The following PRTFDC1 variants were observed in gnomAD, a reference collection of about 807,000 sequenced individuals.
The protein encoded by PRTFDC1 is phosphoribosyl transferase domain containing 1.
In PRTFDC1, 38 loss-of-function variants were observed where a neutral mutation model predicts 34.6. That is an observed-to-expected ratio of 1.10 (90% CI 0.85 to 1.44). The LOEUF (loss-of-function observed/expected upper bound fraction) is 1.44, where lower values mean the gene tolerates loss of function less well. Among genes scored for constraint, PRTFDC1 ranks in the 40% most tolerant of loss-of-function variants. The pLI is 0.00. For missense variants in PRTFDC1, 270 were observed against 283.0 expected (o/e 0.95, Z 0.33); for synonymous variants, 93 against 98.1 (o/e 0.95, Z 0.31).
intron 3 of PRTFDC1, among the ~76,000 whole-genome samples, chr10:24,918,310 G>A (rs2132579011): frequency 6.6e-6 from 1 of 151,816 alleles, no homozygotes. Context: ...TTTGTCATAT[G>A]AGGTCACTTT....
chr10:24,863,173 G>A (rs2184645), intron 4 of PRTFDC1, among the ~76,000 whole-genome samples: 7 of 151,704 alleles, frequency 4.6e-5, no homozygotes, highest in Admixed American at 1.3e-4. Context: ...TCACTGTGAC[G>A]CCCCCTAGAC....
intron 7 of PRTFDC1, 30 bp downstream of exon 7, chr10:24,855,288 C>T: frequency 1.3e-6 from 2 of 1,599,136 alleles, no homozygotes; most frequent in South Asian, 1.1e-5. Context: ...AACAAACAAA[C>T]AAACAAACAA....
At chr10:24,908,295 A>T in intron 3 of PRTFDC1, 1 of 619,074 alleles carries the variant, frequency 1.6e-6, no homozygotes, top group Non-Finnish European at 2.7e-6. Flanking sequence ...CTAGAAGACT[A>T]CCACATTGTA....
intron 3 of PRTFDC1, among the ~76,000 whole-genome samples, chr10:24,910,186 A>G (rs1404533194): frequency 6.6e-6 from 1 of 152,106 alleles, no homozygotes. Context: ...AATTTTTCCA[A>G]TAACCTGAAC....
intron 3 of PRTFDC1, among the ~76,000 whole-genome samples, chr10:24,910,937 T>A (rs1350527480): frequency 6.6e-6 from 1 of 151,728 alleles, no homozygotes; most frequent in Non-Finnish European, 1.5e-5. Context: ...GCTCAAGTGA[T>A]CTTCCCACCT....
intron 3 of PRTFDC1, among the ~76,000 whole-genome samples, chr10:24,874,784 G>T (rs1485255820): frequency 6.6e-6 from 1 of 152,098 alleles, no homozygotes; most frequent in African/African-American, 2.4e-5. Context: ...ATATGGTTAG[G>T]CTGTGTCCCC....
At chr10:24,902,843 G>C (rs1229432296) in intron 3 of PRTFDC1, among the ~76,000 whole-genome samples, 3 of 152,198 alleles carry the variant, frequency 2.0e-5, no homozygotes. Flanking sequence ...CTGATTTTAA[G>C]AAGGTCGTGA....
chr10:24,858,528 CATCT>C (rs1847621107), intron 4 of PRTFDC1, 119 bp from the exon 5 acceptor site: 6 of 1,011,104 alleles, frequency 5.9e-6, no homozygotes, highest in Non-Finnish European at 9.1e-6. Flanking sequence ...CTTCCCCATC[CATCT>C]AATTCAAAGG....
chr10:24,864,451 C>T (rs1241610587), intron 4 of PRTFDC1, among the ~76,000 whole-genome samples: 1 of 152,124 alleles, frequency 6.6e-6, no homozygotes, highest in East Asian at 1.9e-4. Context: ...GCTACAGCCA[C>T]CCCAACCTTC....
chr10:24,876,832 A>AACCCCCCCCCCCCCC (rs1847974232), intron 3 of PRTFDC1, among the ~76,000 whole-genome samples: 1 of 61,408 alleles, frequency 1.6e-5, no homozygotes, highest in Non-Finnish European at 3.3e-5. Context: ...TCTTTCCCCC[A>AACCCCCCCCCCCCCC]ACCCCCCGCC....
At chr10:24,886,953 C>CTCT in intron 3 of PRTFDC1, among the ~76,000 whole-genome samples, 1 of 105,644 alleles carries the variant, frequency 9.5e-6, no homozygotes, top group Non-Finnish European at 1.9e-5. Flanking sequence ...GTTAATACTC[C>CTCT]TTCTTTTTTT....
chr10:24,849,856 T>G lies in PRTFDC1; in HGVS notation c.666A>C (p.Lys222Asn). 6.2e-7 allele frequency: 1 copy of G among 1,613,990 alleles called. No homozygotes were observed. The highest frequency in any genetic ancestry group is 1.1e-5 in the South Asian group (1 of 91,064). ...ICVINEHGKE[K>N]YRV ...AGAATTCATGTCTTTAGACTCGATATTTTTCTTTACCGTGCTCATTGATGA... is the reference window on the plus strand; with the variant it reads ...AGAATTCATGTCTTTAGACTCGATAGTTTTCTTTACCGTGCTCATTGATGA... Residue 222 changes from lysine (K) to asparagine (N), a missense_variant, in exon 9 of 9, where the codon AAA becomes AAC. Transcript: ENST00000320152.
chr10:24,876,290 T>A (rs1056618739), intron 3 of PRTFDC1, among the ~76,000 whole-genome samples: 1 of 152,136 alleles, frequency 6.6e-6, no homozygotes, highest in Non-Finnish European at 1.5e-5. Context: ...TTTTTTTTCC[T>A]GTCTGGTAGA....
At chr10:24,862,410 T>G (rs968312398) in intron 4 of PRTFDC1, among the ~76,000 whole-genome samples, 1 of 152,164 alleles carries the variant, frequency 6.6e-6, no homozygotes, top group Non-Finnish European at 1.5e-5. Flanking sequence ...AGTCTCACTC[T>G]ATTGCCCAGG....
intron 3 of PRTFDC1, among the ~76,000 whole-genome samples, chr10:24,911,986 C>T (rs1564310442): frequency 6.6e-6 from 1 of 151,240 alleles, no homozygotes; most frequent in Admixed American, 6.6e-5. Context: ...AAGAAATTGC[C>T]TGCTGGGTGC....
chr10:24,942,849 T>C (rs904951338), intron 1 of PRTFDC1, among the ~76,000 whole-genome samples: 2 of 152,258 alleles, frequency 1.3e-5, no homozygotes, highest in African/African-American at 4.8e-5. Context: ...GGTTTTGCCA[T>C]GTTGGCCAGG....
At chr10:24,935,392 G>T (rs1028950271) in intron 3 of PRTFDC1, among the ~76,000 whole-genome samples, 1 of 152,194 alleles carries the variant, frequency 6.6e-6, no homozygotes, top group Non-Finnish European at 1.5e-5. Flanking sequence ...ATAAAACCAA[G>T]AAATCAGAGC....
At chr10:24,933,359 T>A (rs1848997504) in intron 3 of PRTFDC1, among the ~76,000 whole-genome samples, 1 of 151,810 alleles carries the variant, frequency 6.6e-6, no homozygotes, top group Non-Finnish European at 1.5e-5. Context: ...AATAAAAAAT[T>A]CATGGCCAAT....
intron 3 of PRTFDC1, among the ~76,000 whole-genome samples, chr10:24,936,703 C>A (rs1421223822): frequency 6.6e-6 from 1 of 152,166 alleles, no homozygotes; most frequent in Admixed American, 6.5e-5. Flanking sequence ...GGCCTTGTTT[C>A]CTCACACTTG....
Sources: gnomAD v4.1 joint callset for allele counts (sites outside exome capture counted in the v4.1 genomes callset) on GRCh38, gnomAD v4.1.1 for gene constraint, MANE v1.5 for transcripts, NCBI Gene and HGNC (gene_info 2026-07-23, HGNC 2026-07-21) for gene names.